Variants in PLPP4 observed in about 807,000 individuals in gnomAD.
The protein encoded by PLPP4 is phospholipid phosphatase 4.
Under a neutral mutation model 32.2 loss-of-function variants are expected in PLPP4, and 20 were observed. The observed-to-expected ratio is 0.62, with a 90% CI of 0.44 to 0.90. The LOEUF is 0.90. Among genes scored for constraint, PLPP4 ranks in the 40% least tolerant of loss-of-function variants. PLPP4 has a pLI of 0.00. For synonymous variants in PLPP4, 127 were observed against 133.0 expected, an observed-to-expected ratio of 0.95 and a Z score of 0.31; for missense variants, 257 against 353.1, an observed-to-expected ratio of 0.73 and a Z score of 2.18.
intron 5 of PLPP4, among the ~76,000 whole-genome samples, chr10:120,565,147 A>G (rs1473607507): frequency 1.3e-5 from 2 of 152,198 alleles, no homozygotes; most frequent in Non-Finnish European, 2.9e-5. Flanking sequence ...GTTATCTGGT[A>G]TTTTAATTCT....
chr10:120,551,061 GCC>G (rs1355421613), intron 5 of PLPP4, among the ~76,000 whole-genome samples: 1 of 151,992 alleles, frequency 6.6e-6, no homozygotes, highest in Non-Finnish European at 1.5e-5. Context: ...AATAAAAAAA[GCC>G]CAATACAAAT....
chr10:120,511,909 G>A (rs761421221), intron 2 of PLPP4, among the ~76,000 whole-genome samples: 14 of 152,024 alleles, frequency 9.2e-5, no homozygotes, highest in African/African-American at 1.7e-4. Flanking sequence ...TGGCTAACAC[G>A]GTGAAACCCC....
chr10:120,469,885 A>G (rs923496475), intron 1 of PLPP4, among the ~76,000 whole-genome samples: 2 of 152,164 alleles, frequency 1.3e-5, no homozygotes, highest in African/African-American at 2.4e-5. Flanking sequence ...TAACCTATTC[A>G]TGGAATCTTA....
intron 5 of PLPP4, among the ~76,000 whole-genome samples, chr10:120,543,554 T>C (rs999431326): frequency 2.0e-5 from 3 of 152,184 alleles, no homozygotes; most frequent in South Asian, 2.1e-4. Flanking sequence ...TGCAGCCTTG[T>C]CCATGAGGGA....
chr10:120,545,503 T>C (rs1847573376), intron 5 of PLPP4, among the ~76,000 whole-genome samples: 1 of 152,144 alleles, frequency 6.6e-6, no homozygotes, highest in Non-Finnish European at 1.5e-5. Flanking sequence ...GGGCTTTGGC[T>C]CTTTCTCCTT....
chr10:120,565,369 G>A (rs1389193891), intron 5 of PLPP4, among the ~76,000 whole-genome samples: 1 of 141,076 alleles, frequency 7.1e-6, no homozygotes, highest in Non-Finnish European at 1.5e-5. Flanking sequence ...TGTGCTGTAT[G>A]CTCTGTGTTT....
At chr10:120,458,392 T>C (rs1412475140) in intron 1 of PLPP4, among the ~76,000 whole-genome samples, 1 of 152,198 alleles carries the variant, frequency 6.6e-6, no homozygotes, top group Admixed American at 6.5e-5. Flanking sequence ...GTTTTTGTTT[T>C]CGTTTCTGGA....
At chr10:120,457,156 C>A, upstream of PLPP4, 2 of 354,406 alleles carry the variant, frequency 5.6e-6, no homozygotes, top group Non-Finnish European at 4.5e-6. Context: ...CTCCCCGGCG[C>A]CTGCCCCCGC....
intron 5 of PLPP4, among the ~76,000 whole-genome samples, chr10:120,521,899 A>C (rs1461249252): frequency 6.6e-6 from 1 of 152,258 alleles, no homozygotes; most frequent in Non-Finnish European, 1.5e-5. Flanking sequence ...TTCAATAAAC[A>C]GTAGTTATCT....
intron 1 of PLPP4, among the ~76,000 whole-genome samples, chr10:120,491,981 T>G (rs1412459148): frequency 6.6e-6 from 1 of 152,224 alleles, no homozygotes; most frequent in Non-Finnish European, 1.5e-5. Flanking sequence ...ATACAAATTT[T>G]TGGAAATAAT....
intron 1 of PLPP4, among the ~76,000 whole-genome samples, chr10:120,487,479 G>A (rs1844513542): frequency 6.6e-6 from 1 of 152,172 alleles, no homozygotes; most frequent in South Asian, 2.1e-4. Context: ...CAAGTTAAAG[G>A]ACTTTGGGAA....
intron 5 of PLPP4, among the ~76,000 whole-genome samples, chr10:120,530,423 CTTTTATGTCTGACAGCT>C (rs1302114997): frequency 6.6e-6 from 1 of 152,068 alleles, no homozygotes; most frequent in African/African-American, 2.4e-5. Flanking sequence ...AGTATGTGCT[CTTTTATGTCTGACAGCT>C]TTGGCTCAGT....
intron 1 of PLPP4, 64 bp downstream of exon 1, chr10:120,457,425 T>C: frequency 1.4e-6 from 2 of 1,453,144 alleles, no homozygotes; most frequent in South Asian, 2.6e-5. Context: ...CAAGCCTCTC[T>C]GTGCCCTAAC....
intron 5 of PLPP4, among the ~76,000 whole-genome samples, chr10:120,557,417 T>C (rs1046711846): frequency 6.6e-6 from 1 of 152,226 alleles, no homozygotes; most frequent in Non-Finnish European, 1.5e-5. Context: ...ATCAATCAAG[T>C]GCCTCCGGAG....
intron 1 of PLPP4, among the ~76,000 whole-genome samples, chr10:120,458,310 G>A (rs77573097): frequency 0.013 from 1,986 of 152,272 alleles, 49 homozygotes; most frequent in African/African-American, 0.044. Context: ...GCCCATGGAT[G>A]TTTTCTGCCA....
chr10:120,498,310 A>T (rs1189886374), intron 1 of PLPP4, among the ~76,000 whole-genome samples: 3 of 152,200 alleles, frequency 2.0e-5, no homozygotes, highest in Non-Finnish European at 4.4e-5. Flanking sequence ...TAATGGGGGA[A>T]GTCCATGATT....
intron 1 of PLPP4, among the ~76,000 whole-genome samples, chr10:120,485,595 C>G (rs561872284): frequency 6.6e-6 from 1 of 152,302 alleles, no homozygotes; most frequent in African/African-American, 2.4e-5. Flanking sequence ...AAGTGGAACT[C>G]AAAACATGCA....
chr10:120,510,009 A>T (rs1374876589), intron 2 of PLPP4, among the ~76,000 whole-genome samples: 1 of 152,220 alleles, frequency 6.6e-6, no homozygotes, highest in Non-Finnish European at 1.5e-5. Context: ...TAGTTGTGTG[A>T]CTTCCAGCAG....
chr10:120,477,020 G>T (rs1043788516), intron 1 of PLPP4, among the ~76,000 whole-genome samples: 1 of 151,974 alleles, frequency 6.6e-6, no homozygotes, highest in Non-Finnish European at 1.5e-5. Context: ...ATCTTAGTTC[G>T]CCATAATCTT....
Sources: allele counts gnomAD v4.1 joint callset (sites outside exome capture counted in the v4.1 genomes callset), GRCh38; gene constraint gnomAD v4.1.1; transcripts MANE v1.5; gene names NCBI Gene and HGNC (gene_info 2026-07-23, HGNC 2026-07-21).